Variants in AGAP1 observed in about 807,000 individuals in gnomAD.
The protein encoded by AGAP1 is arf-GAP with GTPase, ANK repeat and PH domain-containing protein 1.
In AGAP1, 29 loss-of-function variants were observed where a neutral mutation model predicts 105.3. That is an observed-to-expected ratio of 0.28 (90% CI 0.21 to 0.38). The LOEUF (loss-of-function observed/expected upper bound fraction) is 0.38. Among genes scored for constraint, AGAP1 ranks in the 10% least tolerant of loss-of-function variants. The pLI is 1.00. For synonymous variants in AGAP1, 509 were observed against 485.9 expected, an observed-to-expected ratio of 1.05 and a Z score of -0.63; for missense variants, 998 against 1,165.1, an observed-to-expected ratio of 0.86 and a Z score of 2.09.
rs1199535353 is a variant in AGAP1 at position 235,953,450 on chromosome 2, A to G, written c.1484-15012A>G. 6.6e-6 allele frequency among the ~76,000 whole-genome samples: 1 copy of G among 152,232 alleles called. No homozygotes were observed. Among genetic ancestry groups the G allele is most frequent in the Non-Finnish European group, 1.5e-5 (1 of 68,044 alleles). ...TACAGATTTGTTAGCTGGTATTTAA[A>G]TAATATTCAACACTCCTAAGCCTTA... On this transcript the variant is annotated intron_variant, in intron 12 of 17. Coordinates refer to ENST00000304032, the MANE Select transcript of AGAP1 (RefSeq NM_001037131.3). The surrounding 1 kb of genome is among the most constrained non-coding windows in gnomAD (Gnocchi z 5.2).
intron 1 of AGAP1, among the ~76,000 whole-genome samples, chr2:235,580,124 G>C (rs1193963724): frequency 6.6e-6 from 1 of 152,154 alleles, no homozygotes; most frequent in Admixed American, 6.5e-5. Context: ...TGTATGGAGG[G>C]ACCACATTTT....
rs2049470489 is a variant in AGAP1, at chr2:235,872,029, C to CA, written c.1051-11316_1051-11315insA. Among the ~76,000 whole-genome samples, 1 of 152,148 alleles carries CA rather than the reference C, an allele frequency of 6.6e-6. No homozygotes were observed. Among genetic ancestry groups the CA allele is most frequent in the African/African-American group, 2.4e-5 (1 of 41,426 alleles). On this transcript the variant is annotated intron_variant, in intron 9 of 17. Coordinates refer to ENST00000304032, the MANE Select transcript of AGAP1 (RefSeq NM_001037131.3). The surrounding 1 kb of genome is among the most constrained non-coding windows in gnomAD (Gnocchi z 4.5). ...GTGTCCTTATCCATGAAATGAGAAT[C>CA]GTCGTGGATATCAGTTGTGATTGCA...
At chr2:235,944,964 G>A (rs960527514) in intron 12 of AGAP1, among the ~76,000 whole-genome samples, 6 of 152,292 alleles carry the variant, frequency 3.9e-5, no homozygotes, top group Admixed American at 1.3e-4. Flanking sequence ...CGGTGGTATC[G>A]TTGTAAACCA....
rs1952342920 is a variant in AGAP1, at chr2:235,737,876, G to C, written c.311-3087G>C. On this transcript the variant is annotated intron_variant, in intron 3 of 17. Transcript: ENST00000304032. The surrounding 1 kb of genome is among the most constrained non-coding windows in gnomAD (Gnocchi z 4.5). ...GAGGAATGGGACCTGGGGCCAGCGT[G>C]CTTGGACAAGACGAAGCCTCATCAA... Among the ~76,000 whole-genome samples the C allele has an allele frequency of 6.6e-6, 1 of 152,074 alleles. No individual in the cohort carries two copies. The highest frequency in any genetic ancestry group is 1.9e-4 in the East Asian group (1 of 5,130).
chr2:235,825,401 G>GA (rs1175257964), intron 9 of AGAP1, among the ~76,000 whole-genome samples: 1 of 152,220 alleles, frequency 6.6e-6, no homozygotes, highest in Non-Finnish European at 1.5e-5. Context: ...CTTATGGCCT[G>GA]AAAAGCAGCA....
At chr2:236,048,198 C>T (rs1308748266) in intron 15 of AGAP1, among the ~76,000 whole-genome samples, 1 of 152,218 alleles carries the variant, frequency 6.6e-6, no homozygotes. Context: ...CCTATCTCTG[C>T]ACATCAGCTG....
rs1195614338 is a variant in AGAP1 at position 236,082,362 on chromosome 2, A to G, written c.2114+33081A>G. Among the ~76,000 whole-genome samples the G allele has an allele frequency of 6.6e-6, 1 of 152,206 alleles. No individual in the cohort carries two copies. The highest frequency in any genetic ancestry group is 1.5e-5 in the Non-Finnish European group (1 of 68,036). On this transcript the variant is annotated intron_variant, in intron 16 of 17. Transcript: ENST00000304032. The surrounding 1 kb of genome is among the most constrained non-coding windows in gnomAD (Gnocchi z 4.2). ...TAATTTAATTAATCACCCCCAGCTC[A>G]GCTCTTCCAGCTGCGACCAGCAGGG...
chr2:235,898,970 C>T (rs1397721151), intron 10 of AGAP1, among the ~76,000 whole-genome samples: 3 of 152,146 alleles, frequency 2.0e-5, no homozygotes, highest in Admixed American at 6.5e-5. Context: ...TGTGAACTCC[C>T]TTGGCAGGCA....
intron 16 of AGAP1, among the ~76,000 whole-genome samples, chr2:236,108,388 T>TC (rs2059555841): frequency 6.6e-6 from 1 of 152,156 alleles, no homozygotes; most frequent in Non-Finnish European, 1.5e-5. Context: ...CTTCCTCTCC[T>TC]CCTTGTCAGT....
chr2:235,778,770 T>C (rs1310159911), intron 6 of AGAP1, among the ~76,000 whole-genome samples: 1 of 152,162 alleles, frequency 6.6e-6, no homozygotes, highest in African/African-American at 2.4e-5. Context: ...CTGATGGCTG[T>C]GTTCTTGGTC....
rs144718491 is a variant in AGAP1, at chr2:235,584,443, T to C, written c.163+89594T>C. 2.7e-3 allele frequency among the ~76,000 whole-genome samples: 399 copies of C among 148,456 alleles called. 3 individuals are homozygous for C. The highest frequency in any genetic ancestry group is 9.8e-3 in the African/African-American group (392 of 40,040). ...GCCATACTTGGAGATGGTCTTTGGC[T>C]GATGTAATTAGTTAAGATGAGGTCA... is the stretch of plus-strand genomic sequence containing the variant. On this transcript the variant is annotated intron_variant, in intron 1 of 17. Coordinates refer to ENST00000304032, the MANE Select transcript of AGAP1 (RefSeq NM_001037131.3).
chr2:235,793,374 T>G lies in AGAP1; in HGVS notation c.674-4385T>G, dbSNP rs1433938374. Among the ~76,000 whole-genome samples, 1 of 152,132 alleles carries G rather than the reference T, an allele frequency of 6.6e-6. No individual in the cohort carries two copies. Among genetic ancestry groups the G allele is most frequent in the African/African-American group, 2.4e-5 (1 of 41,440 alleles). ...TGTTTAGTTACCCAATCCATTTCAT[T>G]TAGTCACCCAAGTAGAAGTTAGAAA... On this transcript the variant is annotated intron_variant, in intron 6 of 17. Transcript: ENST00000304032. This position sits in a 1 kb window ranked among gnomAD's most constrained non-coding sequence, Gnocchi z 5.3.
At chr2:235,715,411 G>A (rs370942393) in intron 2 of AGAP1, among the ~76,000 whole-genome samples, 1 of 152,204 alleles carries the variant, frequency 6.6e-6, no homozygotes, top group Non-Finnish European at 1.5e-5. Flanking sequence ...CTGTCTGGGG[G>A]TGAGGGGAAA....
In AGAP1 at chr2:235,622,607, A is replaced by G. The variant is rs1321207653; in HGVS notation, c.164-86572A>G. ...TAAGTCAACTTTGACGCTTCAGCCA[A>G]CGTCGGTTTTGAGAATGCGACCTAT... On this transcript the variant is annotated intron_variant, in intron 1 of 17. Coordinates refer to ENST00000304032, the MANE Select transcript of AGAP1 (RefSeq NM_001037131.3). The surrounding 1 kb of genome is among the most constrained non-coding windows in gnomAD (Gnocchi z 5.0). 1.3e-5 allele frequency among the ~76,000 whole-genome samples: 2 copies of G among 152,090 alleles called. No homozygotes were observed. The highest frequency in any genetic ancestry group is 2.9e-5 in the Non-Finnish European group (2 of 68,022).
chr2:235,745,677 C>G (rs546040445), intron 5 of AGAP1, among the ~76,000 whole-genome samples: 1 of 152,206 alleles, frequency 6.6e-6, no homozygotes, highest in African/African-American at 2.4e-5. Flanking sequence ...GCCTATCTGA[C>G]ATGCCCATCC....
At position 236,040,796 on chromosome 2, in the gene AGAP1, C is replaced by T. The variant is rs1380892182; in HGVS notation, c.1846C>T (p.Arg616Trp). The stretch of plus-strand genomic sequence containing the variant: ...CGAGGCCATGGCCCTGCAGTCGATC[C>T]GGAACATGCGCGGGAACTCCCACTG... ...QSEAMALQSIRNMRGNSHCVD... is the reference protein window; with the variant it reads ...QSEAMALQSIWNMRGNSHCVD... Residue 616 changes from arginine (R) to tryptophan (W), a missense_variant, in exon 15 of 18, where the codon CGG becomes TGG. By Grantham distance (101) the Arg-to-Trp change is moderately radical. Transcript: ENST00000304032. The surrounding 1 kb of genome is among the most constrained non-coding windows in gnomAD (Gnocchi z 5.6). The T allele has an allele frequency of 1.2e-6, 2 of 1,613,930 alleles. No individual in the cohort carries two copies. The highest frequency in any genetic ancestry group is 8.5e-7 in the Non-Finnish European group (1 of 1,180,046).
intron 16 of AGAP1, among the ~76,000 whole-genome samples, chr2:236,059,395 T>C (rs2058129743): frequency 6.6e-6 from 1 of 152,208 alleles, no homozygotes; most frequent in Admixed American, 6.5e-5. Flanking sequence ...TTCAAATCGA[T>C]GTACAGAGTC....
In AGAP1 at chr2:235,750,286, G is replaced by A. The variant is rs1456969066; in HGVS notation, c.539-68G>A. The A allele has an allele frequency of 1.3e-5, 20 of 1,596,230 alleles. No individual in the cohort carries two copies. The highest frequency in any genetic ancestry group is 2.3e-5 in the East Asian group (1 of 44,442). On this transcript the variant is annotated intron_variant, in intron 5 of 17. Coordinates refer to ENST00000304032, the MANE Select transcript of AGAP1 (RefSeq NM_001037131.3). The surrounding 1 kb of genome is among the most constrained non-coding windows in gnomAD (Gnocchi z 5.3). ...GTAAGGTACTGGTTTTCCGTGTTGT[G>A]GGGAGTGTAGGAAGTATTTAGAGCT... is the stretch of plus-strand genomic sequence containing the variant.
chr2:236,063,738 C>T (rs1404786305), intron 16 of AGAP1, among the ~76,000 whole-genome samples: 1 of 152,186 alleles, frequency 6.6e-6, no homozygotes, highest in Non-Finnish European at 1.5e-5. Flanking sequence ...GCAAGCCACT[C>T]CTGGCTGCAG....
Sources: gnomAD v4.1 joint callset for allele counts (sites outside exome capture counted in the v4.1 genomes callset) on GRCh38, gnomAD v4.1.1 for gene constraint, Gnocchi (gnomAD v3.1) non-coding constraint, MANE v1.5 for transcripts, NCBI Gene and HGNC (gene_info 2026-07-23, HGNC 2026-07-21) for gene names.